CDH18: variants seen among roughly 807,000 people sequenced by gnomAD.
CDH18 encodes the protein cadherin 18.
A neutral mutation model predicts 67.9 loss-of-function variants in CDH18; 31 were observed. The observed-to-expected ratio is 0.46, with a 90% CI of 0.34 to 0.62. The LOEUF (loss-of-function observed/expected upper bound fraction) is 0.62, where lower values mean the gene tolerates loss of function less well. Among genes scored for constraint, CDH18 ranks in the 20% least tolerant of loss-of-function variants. The pLI, the probability that CDH18 is intolerant of heterozygous loss-of-function variation, is 0.01. For missense variants in CDH18, 890 were observed against 975.5 expected (o/e 0.91, Z 1.17); for synonymous variants, 362 against 347.2 (o/e 1.04, Z -0.48).
intron 6 of CDH18, among the ~76,000 whole-genome samples, chr5:19,610,660 T>C (rs1748801567): frequency 6.6e-6 from 1 of 152,096 alleles, no homozygotes; most frequent in Non-Finnish European, 1.5e-5. Context: ...CAAGTTGGTA[T>C]CCTAAATTAT....
In CDH18 at chr5:20,265,584, TA is replaced by T. The variant is rs574439308; in HGVS notation, c.-579-10080del. ...GACCAAGACTGAAGGAGTATCAAAA[TA>T]AAAAAAAAATTACATTTATTTTCAA... On this transcript the variant is annotated intron_variant, in intron 1 of 14. Coordinates refer to the CDH18 transcript ENST00000507958. Among the ~76,000 whole-genome samples the T allele has an allele frequency of 2.4e-3, 356 of 149,382 alleles. 1 individual carries two copies. The highest frequency in any genetic ancestry group is 7.6e-3 in the African/African-American group (310 of 40,788).
chr5:19,606,979 T>C (rs1474617947), intron 6 of CDH18, among the ~76,000 whole-genome samples: 1 of 151,688 alleles, frequency 6.6e-6, no homozygotes, highest in Non-Finnish European at 1.5e-5. Context: ...ATTCTACAGT[T>C]GATTTTTCAA....
At chr5:19,617,586 ATGTT>A (rs1052633767) in intron 5 of CDH18, among the ~76,000 whole-genome samples, 3 of 152,198 alleles carry the variant, frequency 2.0e-5, no homozygotes, top group Admixed American at 6.5e-5. Context: ...CATATTCTAA[ATGTT>A]TGTTGGAAAG....
At chr5:19,548,829 C>CAA (rs34331073) in intron 8 of CDH18, among the ~76,000 whole-genome samples, 8,483 of 150,672 alleles carry the variant, frequency 0.056, 257 homozygotes, top group African/African-American at 0.075. Context: ...CAGCTGACTG[C>CAA]AACCTCTGCC....
intron 5 of CDH18, among the ~76,000 whole-genome samples, chr5:19,711,807 C>A (rs1764745469): frequency 1.3e-5 from 2 of 151,958 alleles, no homozygotes; most frequent in Admixed American, 6.6e-5. Context: ...ATTCAGCAAA[C>A]CCACTACTAC....
chr5:19,591,001 C>A (rs1375226716), intron 7 of CDH18, 56 bp downstream of exon 7: 5 of 1,137,866 alleles, frequency 4.4e-6, no homozygotes, highest in Non-Finnish European at 6.2e-6. Flanking sequence ...TGCCAAATTT[C>A]CATTCAGGAA....
chr5:20,021,783 C>A (rs1032940955), intron 2 of CDH18, among the ~76,000 whole-genome samples: 9 of 152,168 alleles, frequency 5.9e-5, no homozygotes, highest in Non-Finnish European at 1.2e-4. Flanking sequence ...TCAGGTAGTT[C>A]TTTATAGCAA....
chr5:19,517,034 T>A (rs1244577033), intron 10 of CDH18, among the ~76,000 whole-genome samples: 1 of 152,158 alleles, frequency 6.6e-6, no homozygotes, highest in Admixed American at 6.6e-5. Flanking sequence ...AGCTGCATAT[T>A]TAATTTTTTA....
intron 1 of CDH18, among the ~76,000 whole-genome samples, chr5:20,424,092 C>T (rs890733569): frequency 3.4e-5 from 5 of 148,926 alleles, no homozygotes; most frequent in Admixed American, 2.0e-4. Context: ...AAAAATGAGA[C>T]GATCAACCCA....
chr5:19,977,468 T>C (rs75525060), intron 2 of CDH18, among the ~76,000 whole-genome samples: 1,848 of 152,246 alleles, frequency 0.012, 54 homozygotes, highest in African/African-American at 0.042. Flanking sequence ...ACATCACCAA[T>C]AAGCCAGATT....
chr5:19,994,843 T>TAG (rs1158569828), intron 2 of CDH18, among the ~76,000 whole-genome samples: 5 of 30,244 alleles, frequency 1.7e-4, no homozygotes, highest in Non-Finnish European at 2.9e-4. Context: ...TATATATATA[T>TAG]ATATATATAT....
chr5:19,952,514 A>G (rs1006445572), intron 2 of CDH18, among the ~76,000 whole-genome samples: 1 of 152,166 alleles, frequency 6.6e-6, no homozygotes, highest in Non-Finnish European at 1.5e-5. Flanking sequence ...AACACACATC[A>G]GTCCAGTACC....
chr5:20,564,769 A>T (rs1365277306), intron 1 of CDH18, among the ~76,000 whole-genome samples: 1 of 152,154 alleles, frequency 6.6e-6, no homozygotes, highest in East Asian at 1.9e-4. Context: ...TTTAACCCAT[A>T]ATATTCTCAC....
At chr5:19,929,949 G>A (rs1337703784) in intron 2 of CDH18, among the ~76,000 whole-genome samples, 1 of 152,058 alleles carries the variant, frequency 6.6e-6, no homozygotes, top group African/African-American at 2.4e-5. Context: ...GGCTCCTGTA[G>A]AGGTTGAAGT....
chr5:19,723,982 T>C (rs546692934), intron 4 of CDH18, among the ~76,000 whole-genome samples: 2 of 152,234 alleles, frequency 1.3e-5, no homozygotes, highest in South Asian at 4.1e-4. Flanking sequence ...AGTGCTGGGA[T>C]TACAGGTGTG....
chr5:20,279,063 C>T (rs1431186383), intron 1 of CDH18, among the ~76,000 whole-genome samples: 1 of 151,962 alleles, frequency 6.6e-6, no homozygotes, highest in African/African-American at 2.4e-5. Flanking sequence ...TCAATAATTA[C>T]ATTGAATGTA....
intron 1 of CDH18, among the ~76,000 whole-genome samples, chr5:20,480,476 G>T (rs1051772663): frequency 1.3e-5 from 2 of 152,078 alleles, no homozygotes; most frequent in Non-Finnish European, 2.9e-5. Context: ...GGAGTGCAAT[G>T]GGGTGATCCT....
At chr5:20,246,514 T>C (rs988442673) in intron 2 of CDH18, among the ~76,000 whole-genome samples, 1 of 152,200 alleles carries the variant, frequency 6.6e-6, no homozygotes, top group Non-Finnish European at 1.5e-5. Flanking sequence ...ATTTTGAACA[T>C]GCTTTGAAGG....
intron 1 of CDH18, among the ~76,000 whole-genome samples, chr5:20,271,269 T>C (rs1214518635): frequency 6.6e-6 from 1 of 152,142 alleles, no homozygotes; most frequent in Non-Finnish European, 1.5e-5. Context: ...ATTGAGACCC[T>C]AATCCACTAG....
Sources: gnomAD v4.1 joint callset for allele counts (sites outside exome capture counted in the v4.1 genomes callset) on GRCh38, gnomAD v4.1.1 for gene constraint, MANE v1.5 for transcripts, NCBI Gene and HGNC (gene_info 2026-07-23, HGNC 2026-07-21) for gene names.